The following TNS3 variants were observed in gnomAD, a reference collection of about 807,000 sequenced individuals.
The protein encoded by TNS3 is tensin 3, also known as tensin-3.
TNS3 carries 45 observed loss-of-function variants against 140.9 expected under a neutral mutation model. The observed-to-expected ratio is 0.32, with a 90% CI of 0.25 to 0.41. TNS3 has a LOEUF of 0.41. Among genes scored for constraint, TNS3 ranks in the 10% least tolerant of loss-of-function variants. The pLI is 1.00. For missense variants in TNS3, 1,716 were observed against 1,906.7 expected (o/e 0.90, Z 1.86); for synonymous variants, 815 against 788.4 (o/e 1.03, Z -0.56).
intron 23 of TNS3, among the ~76,000 whole-genome samples, chr7:47,300,126 A>G (rs1786306212): frequency 6.6e-6 from 1 of 152,104 alleles, no homozygotes; most frequent in Non-Finnish European, 1.5e-5. Flanking sequence ...TTCCTCCTGC[A>G]TCACCCTGAA....
At chr7:47,571,831 T>A (rs60341046) in intron 1 of TNS3, among the ~76,000 whole-genome samples, 83 of 152,334 alleles carry the variant, frequency 5.4e-4, no homozygotes, top group African/African-American at 2.0e-3. Context: ...TGTCTAGCCC[T>A]GTCAGCATGC....
At position 47,346,411 on chromosome 7, in the gene TNS3, C is replaced by A. The variant is rs535598240; in HGVS notation, c.2282-55G>T. 2.5e-6 allele frequency: 4 copies of A among 1,595,690 alleles called. No individual in the cohort carries two copies. In the South Asian group the frequency reaches 3.3e-5, roughly 13 times the overall value. The stretch of plus-strand genomic sequence containing the variant: ...GGCGCTTCCTCAAGGCGGAGTGAGG[C>A]GCCCCTTCCTTAAATCTTGCCTGCT... On this transcript the variant is annotated intron_variant, in intron 17 of 30. Coordinates refer to ENST00000311160, the MANE Select transcript of TNS3 (RefSeq NM_022748.12).
intron 17 of TNS3, among the ~76,000 whole-genome samples, chr7:47,353,801 G>T (rs2151044189): frequency 1.3e-5 from 2 of 152,014 alleles, no homozygotes; most frequent in South Asian, 4.2e-4. Context: ...GACCACAAGG[G>T]GCCTCACCCT....
chr7:47,351,571 A>G (rs1346084207), intron 17 of TNS3, among the ~76,000 whole-genome samples: 1 of 152,176 alleles, frequency 6.6e-6, no homozygotes, highest in Non-Finnish European at 1.5e-5. Flanking sequence ...ATGCCCAGGA[A>G]GCCCAGTAGT....
chr7:47,303,713 G>T, intron 21 of TNS3, 129 bp from the exon 22 acceptor site: 1 of 1,181,952 alleles, frequency 8.5e-7, no homozygotes, highest in Non-Finnish European at 1.2e-6. Context: ...GGCAGCACAG[G>T]AGGTATTTTC....
chr7:47,541,948 C>CAAAAAAAA (rs11314197), intron 1 of TNS3, among the ~76,000 whole-genome samples: 3 of 130,970 alleles, frequency 2.3e-5, no homozygotes, highest in Admixed American at 7.7e-5. Flanking sequence ...GACTCCATCT[C>CAAAAAAAA]AAAAAAAAAA....
Position 47,369,232 on chromosome 7 carries a change from C to A in TNS3, c.1414G>T (p.Asp472Tyr). Residue 472 changes from aspartate (D) to tyrosine (Y), a missense_variant, in exon 17 of 31, where the codon GAT becomes TAT. Transcript: ENST00000311160. ...VHVNGDAALK[D>Y]RETDILDDEM... ...TCATCCAGAATGTCTGTCTCCCGAT[C>A]CTTCAGAGCAGCGTCTCCATTCACG... is the stretch of plus-strand genomic sequence containing the variant. The A allele has an allele frequency of 1.9e-6, 3 of 1,614,228 alleles. No individual in the cohort carries two copies. The highest frequency in any genetic ancestry group is 1.7e-6 in the Non-Finnish European group (2 of 1,180,050).
chr7:47,561,824 G>A (rs1410381298), intron 1 of TNS3, among the ~76,000 whole-genome samples: 1 of 152,176 alleles, frequency 6.6e-6, no homozygotes, highest in Non-Finnish European at 1.5e-5. Context: ...TTCTGCCTTT[G>A]CCCTTGGGTG....
intron 17 of TNS3, among the ~76,000 whole-genome samples, chr7:47,363,648 G>A (rs1790524431): frequency 6.6e-6 from 1 of 152,184 alleles, no homozygotes; most frequent in Non-Finnish European, 1.5e-5. Flanking sequence ...GGATGAGATG[G>A]AAGGCAGGCC....
At chr7:47,330,333 T>A (rs946909346) in intron 20 of TNS3, among the ~76,000 whole-genome samples, 2 of 152,176 alleles carry the variant, frequency 1.3e-5, no homozygotes, top group Non-Finnish European at 2.9e-5. Flanking sequence ...GCTCCCACTC[T>A]GCGGGCTCAG....
At chr7:47,575,585 G>A (rs1800655301) in intron 1 of TNS3, among the ~76,000 whole-genome samples, 1 of 152,090 alleles carries the variant, frequency 6.6e-6, no homozygotes, top group African/African-American at 2.4e-5. Flanking sequence ...GGAGGCCGAG[G>A]AGGGCGGATC....
At chr7:47,329,812 A>C (rs1390643124) in intron 20 of TNS3, among the ~76,000 whole-genome samples, 3 of 151,998 alleles carry the variant, frequency 2.0e-5, no homozygotes, top group Non-Finnish European at 4.4e-5. Context: ...GGCACTCCCA[A>C]GGGTGGGTCC....
chr7:47,392,414 C>A (rs552322305), intron 16 of TNS3, among the ~76,000 whole-genome samples: 31 of 152,262 alleles, frequency 2.0e-4, no homozygotes, highest in African/African-American at 7.5e-4. Context: ...CATTCCAGGA[C>A]GGCAACCACT....
intron 13 of TNS3, among the ~76,000 whole-genome samples, chr7:47,409,909 A>G (rs1187665849): frequency 6.6e-6 from 1 of 152,120 alleles, no homozygotes; most frequent in Non-Finnish European, 1.5e-5. Flanking sequence ...CGCCCACCTC[A>G]GCCTCCCAAA....
At chr7:47,411,300 T>C (rs1485953143) in intron 13 of TNS3, among the ~76,000 whole-genome samples, 1 of 152,256 alleles carries the variant, frequency 6.6e-6, no homozygotes, top group East Asian at 1.9e-4. Flanking sequence ...CCAATCTTTT[T>C]GGCACCAGGG....
In TNS3 at chr7:47,329,459, T is replaced by C. The variant is rs535966100; in HGVS notation, c.2650+15296A>G. On this transcript the variant is annotated intron_variant, in intron 20 of 30. Coordinates refer to ENST00000311160, the MANE Select transcript of TNS3 (RefSeq NM_022748.12). Reference sequence around the variant, plus strand: ...CCCCTGCACGACCCTGGCACACTCATCAACCTGTGAAGAGTGGGCAGGTCA... The same window carrying C: ...CCCCTGCACGACCCTGGCACACTCACCAACCTGTGAAGAGTGGGCAGGTCA... 1.1e-4 allele frequency among the ~76,000 whole-genome samples: 17 copies of C among 152,208 alleles called. No individual in the cohort carries two copies. In the East Asian group the frequency reaches 3.3e-3, roughly 30 times the overall value.
intron 10 of TNS3, among the ~76,000 whole-genome samples, chr7:47,418,895 A>G (rs1562715830): frequency 6.6e-6 from 1 of 152,260 alleles, no homozygotes; most frequent in East Asian, 1.9e-4. Context: ...TACTTTTTCC[A>G]AGCAACAGGA....
At chr7:47,387,380 T>C (rs1481266221) in intron 16 of TNS3, among the ~76,000 whole-genome samples, 2 of 152,146 alleles carry the variant, frequency 1.3e-5, no homozygotes, top group African/African-American at 2.4e-5. Flanking sequence ...TTGTTACTCC[T>C]AAGGTCAACG....
intron 17 of TNS3, among the ~76,000 whole-genome samples, chr7:47,353,808 C>T (rs2151044251): frequency 6.6e-6 from 1 of 152,238 alleles, no homozygotes. Context: ...AGGGGCCTCA[C>T]CCTACAACCA....
Sources: gnomAD v4.1 joint callset for allele counts (sites outside exome capture counted in the v4.1 genomes callset) on GRCh38, gnomAD v4.1.1 for gene constraint, MANE v1.5 for transcripts, NCBI Gene and HGNC (gene_info 2026-07-23, HGNC 2026-07-21) for gene names.